Variants in TANC1 observed in about 807,000 individuals in gnomAD.
TANC1 encodes the protein protein TANC1.
Under a neutral mutation model 149.7 loss-of-function variants are expected in TANC1, and 77 were observed. That is an observed-to-expected ratio of 0.51 (90% confidence interval 0.43 to 0.62). The LOEUF is 0.62. Ranked by LOEUF, TANC1 falls within the 20% of genes least tolerant of loss-of-function variation. TANC1 has a pLI of 0.00. For missense variants in TANC1, 1,985 were observed against 2,321.8 expected, an observed-to-expected ratio of 0.85 and a Z score of 2.98; for synonymous variants, 854 against 925.0, an observed-to-expected ratio of 0.92 and a Z score of 1.39.
chr2:159,116,356 G>A (rs1465292259), intron 4 of TANC1, among the ~76,000 whole-genome samples: 1 of 151,962 alleles, frequency 6.6e-6, no homozygotes, highest in Non-Finnish European at 1.5e-5. Context: ...GAACCCAGGA[G>A]GCAGATGTTG....
rs868392330 is a variant in TANC1, at chr2:158,987,074, C to T, written c.-125-14006C>T. 1.8e-4 allele frequency among the ~76,000 whole-genome samples: 27 copies of T among 150,936 alleles called. 1 individual carries two copies. The highest frequency in any genetic ancestry group is 6.3e-4 in the African/African-American group (26 of 41,174). Reference sequence around the variant, plus strand: ...AAAAAAAATACAAAAATTGGTCAGGCGTCATTGTGGGTGCCTGTGATACTA... The same window carrying T: ...AAAAAAAATACAAAAATTGGTCAGGTGTCATTGTGGGTGCCTGTGATACTA... On this transcript the variant is annotated intron_variant, in intron 1 of 26. Coordinates refer to ENST00000263635, the MANE Select transcript of TANC1 (RefSeq NM_033394.3).
chr2:159,194,356 G>A lies in TANC1; in HGVS notation c.2842G>A (p.Glu948Lys), dbSNP rs752902036. Residue 948 changes from glutamate to lysine, a missense_variant, in exon 17 of 27, where the codon GAG becomes AAG. By Grantham distance (56) the Glu-to-Lys change is moderately conservative. Coordinates refer to ENST00000263635, the MANE Select transcript of TANC1 (RefSeq NM_033394.3). The stretch of plus-strand genomic sequence containing the variant: ...GTGCGTCCAGTCTCACCTTGGCCAC[G>A]AGGAAGTTGTCACTCTGCTCCTGGA... ...ILCVQSHLGHEEVVTLLLEFG... is the reference protein window; with the variant it reads ...ILCVQSHLGHKEVVTLLLEFG... 4 of 1,614,264 alleles carry A rather than the reference G, an allele frequency of 2.5e-6. No homozygotes were observed. The highest frequency in any genetic ancestry group is 1.6e-4 in the Middle Eastern group (1 of 6,062).
At chr2:159,025,037 G>C (rs1013863553) in intron 2 of TANC1, among the ~76,000 whole-genome samples, 3 of 152,120 alleles carry the variant, frequency 2.0e-5, no homozygotes, top group Admixed American at 1.3e-4. Context: ...AGCCACCTAT[G>C]ACTGTACTTA....
chr2:159,187,761 T>A (rs1258229049), intron 16 of TANC1, among the ~76,000 whole-genome samples: 2 of 152,202 alleles, frequency 1.3e-5, no homozygotes, highest in African/African-American at 4.8e-5. Flanking sequence ...TCACATTGTT[T>A]CATCTTTCAT....
intron 4 of TANC1, among the ~76,000 whole-genome samples, chr2:159,130,585 T>C (rs1452381407): frequency 6.6e-6 from 1 of 152,194 alleles, no homozygotes; most frequent in African/African-American, 2.4e-5. Context: ...CTGTGTGGCC[T>C]GCAGTTGTTC....
At chr2:159,128,141 TC>T (rs1340029200) in intron 4 of TANC1, among the ~76,000 whole-genome samples, 2 of 152,242 alleles carry the variant, frequency 1.3e-5, no homozygotes, top group Non-Finnish European at 2.9e-5. Context: ...AGTCTGAATT[TC>T]CCTAGATCTC....
chr2:159,190,712 C>A (rs1004056112), intron 16 of TANC1, among the ~76,000 whole-genome samples: 4 of 152,204 alleles, frequency 2.6e-5, no homozygotes, highest in Non-Finnish European at 5.9e-5. Flanking sequence ...CCACCGCAAC[C>A]AGCTAATTTT....
At chr2:159,133,243 A>T (rs1405497224) in intron 4 of TANC1, among the ~76,000 whole-genome samples, 1 of 152,104 alleles carries the variant, frequency 6.6e-6, no homozygotes, top group Non-Finnish European at 1.5e-5. Context: ...CTTCAAATGG[A>T]TGAGGGCAGA....
intron 4 of TANC1, among the ~76,000 whole-genome samples, chr2:159,112,494 G>C (rs186040699): frequency 1.1e-4 from 16 of 151,072 alleles, no homozygotes; most frequent in Admixed American, 1.1e-3. Flanking sequence ...GACCTCAGGT[G>C]ATCTGCACGC....
At chr2:159,044,466 T>C (rs1297731998) in intron 2 of TANC1, among the ~76,000 whole-genome samples, 1 of 152,102 alleles carries the variant, frequency 6.6e-6, no homozygotes, top group Non-Finnish European at 1.5e-5. Flanking sequence ...TTGGCGAGGC[T>C]GGAGGCTCCT....
intron 19 of TANC1, among the ~76,000 whole-genome samples, chr2:159,212,919 CA>C (rs35369711): frequency 0.013 from 1,453 of 114,680 alleles, 9 homozygotes; most frequent in African/African-American, 0.038. Flanking sequence ...GACACCGTCT[CA>C]AAAAAAAAAA....
At chr2:159,161,559 C>A (rs550558700) in intron 7 of TANC1, among the ~76,000 whole-genome samples, 7 of 152,336 alleles carry the variant, frequency 4.6e-5, no homozygotes, top group African/African-American at 1.4e-4. Flanking sequence ...TTAGACCACT[C>A]CTGAAAAACA....
At chr2:159,024,247 C>T (rs1057025308) in intron 2 of TANC1, among the ~76,000 whole-genome samples, 1 of 152,114 alleles carries the variant, frequency 6.6e-6, no homozygotes, top group Non-Finnish European at 1.5e-5. Context: ...ATCCCTATTG[C>T]CTAGTGACAT....
At chr2:159,010,348 G>C (rs1430035001) in intron 2 of TANC1, among the ~76,000 whole-genome samples, 1 of 152,186 alleles carries the variant, frequency 6.6e-6, no homozygotes, top group East Asian at 1.9e-4. Flanking sequence ...ACTTAGAAGT[G>C]ACAGGAATAA....
intron 2 of TANC1, among the ~76,000 whole-genome samples, chr2:159,051,651 TTGTGTGTGTGTG>T (rs58015346): frequency 8.4e-5 from 12 of 142,968 alleles, no homozygotes; most frequent in South Asian, 4.7e-4. Flanking sequence ...GAAGTGGTGT[TTGTGTGTGTGTG>T]TGTGTGTGTG....
chr2:159,104,841 G>A (rs1445466278), intron 4 of TANC1, among the ~76,000 whole-genome samples: 208 of 116,680 alleles, frequency 1.8e-3, no homozygotes, highest in African/African-American at 5.6e-3. Context: ...GGGATTACAG[G>A]CATGAGCCAC....
intron 2 of TANC1, among the ~76,000 whole-genome samples, chr2:159,022,937 A>G (rs1254953922): frequency 6.6e-6 from 1 of 152,150 alleles, no homozygotes; most frequent in African/African-American, 2.4e-5. Context: ...TCAGGAGCAT[A>G]CTATACCAGG....
At chr2:159,085,812 C>G (rs1188472835) in intron 3 of TANC1, among the ~76,000 whole-genome samples, 1 of 152,132 alleles carries the variant, frequency 6.6e-6, no homozygotes, top group Non-Finnish European at 1.5e-5. Flanking sequence ...CTCACTAGGC[C>G]CCACCTAGTG....
At chr2:158,995,920 T>C (rs966767709) in intron 1 of TANC1, among the ~76,000 whole-genome samples, 2 of 152,246 alleles carry the variant, frequency 1.3e-5, no homozygotes, top group African/African-American at 4.8e-5. Flanking sequence ...GGGTGCACTC[T>C]GCCTGGTCCA....
Sources: allele counts gnomAD v4.1 joint callset (sites outside exome capture counted in the v4.1 genomes callset), GRCh38; gene constraint gnomAD v4.1.1; transcripts MANE v1.5; gene names NCBI Gene and HGNC (gene_info 2026-07-23, HGNC 2026-07-21).